SULF2: variants seen among roughly 807,000 people sequenced by gnomAD.
SULF2 encodes extracellular sulfatase Sulf-2.
SULF2 carries 52 observed loss-of-function variants against 107.7 expected under a neutral mutation model. The ratio of observed to expected loss-of-function variants is 0.48; its 90% CI spans 0.39 to 0.61. SULF2 has a LOEUF of 0.61. Among genes scored for constraint, SULF2 ranks in the 20% least tolerant of loss-of-function variants. The probability of loss-of-function intolerance (pLI) is 0.00; values close to 1 mark genes in which losing one functional copy is unlikely to be tolerated. For missense variants in SULF2, 993 were observed against 1,177.3 expected, an observed-to-expected ratio of 0.84 and a Z score of 2.29; for synonymous variants, 460 against 464.3, an observed-to-expected ratio of 0.99 and a Z score of 0.12.
chr20:47,731,196 T>TTTC (rs2089600292), intron 3 of SULF2, among the ~76,000 whole-genome samples: 1 of 103,724 alleles, frequency 9.6e-6, no homozygotes, highest in African/African-American at 3.7e-5. Flanking sequence ...TCTTTTTTTT[T>TTTC]TTTTTTTTTT....
intron 13 of SULF2, 41 bp downstream of exon 13, chr20:47,665,816 G>A (rs759170518): frequency 1.0e-5 from 16 of 1,562,240 alleles, no homozygotes; most frequent in Middle Eastern, 1.7e-4. Flanking sequence ...TGCCAGGCCC[G>A]TGGTGGCCGA....
chr20:47,754,122 C>G (rs930704176), intron 2 of SULF2, among the ~76,000 whole-genome samples: 1 of 152,120 alleles, frequency 6.6e-6, no homozygotes, highest in African/African-American at 2.4e-5. Flanking sequence ...CGTGGTACAG[C>G]CCCGAACCCC....
intron 1 of SULF2, among the ~76,000 whole-genome samples, chr20:47,771,387 A>G (rs1370580636): frequency 2.0e-5 from 3 of 147,720 alleles, no homozygotes; most frequent in African/African-American, 7.3e-5. Context: ...ACATCTGCTC[A>G]GTTCTATGTA....
At chr20:47,757,161 G>A in intron 2 of SULF2, 28 bp downstream of exon 2, 10 of 1,532,570 alleles carry the variant, frequency 6.5e-6, no homozygotes, top group Non-Finnish European at 8.8e-6. Context: ...GAGGGGCCGA[G>A]GTGCCACCCT....
At chr20:47,729,745 T>C (rs903547838) in intron 3 of SULF2, among the ~76,000 whole-genome samples, 1 of 151,992 alleles carries the variant, frequency 6.6e-6, no homozygotes, top group Admixed American at 6.6e-5. Flanking sequence ...TCTGGGGCGA[T>C]GGCCAGGAGG....
intron 1 of SULF2, among the ~76,000 whole-genome samples, chr20:47,762,197 G>A (rs1466948474): frequency 2.6e-5 from 4 of 152,192 alleles, no homozygotes; most frequent in African/African-American, 4.8e-5. Context: ...GAAACACTAC[G>A]GGATGCTTTG....
At chr20:47,745,420 T>A (rs1209658267) in intron 2 of SULF2, among the ~76,000 whole-genome samples, 11 of 4,440 alleles carry the variant, frequency 2.5e-3, no homozygotes, top group African/African-American at 5.8e-3. Context: ...AATATATATA[T>A]ATATATATAT....
At chr20:47,667,759 T>G (rs1265048773) in intron 11 of SULF2, among the ~76,000 whole-genome samples, 1 of 151,966 alleles carries the variant, frequency 6.6e-6, no homozygotes, top group Non-Finnish European at 1.5e-5. Context: ...TGACCCAGGT[T>G]TTGTTGGATC....
rs757680199 is a variant in SULF2 at position 47,678,660 on chromosome 20, C to T, written c.1193+16G>A. The T allele has an allele frequency of 7.4e-6, 12 of 1,613,376 alleles. No homozygotes were observed. The Admixed American group carries it at 1.2e-4, about 16-fold the overall frequency. On this transcript the variant is annotated intron_variant, in intron 8 of 20. Coordinates refer to ENST00000688720, the MANE Select transcript of SULF2 (RefSeq NM_001387048.1). The surrounding 1 kb of genome is among the most constrained non-coding windows in gnomAD (Gnocchi z 4.5). Reference sequence around the variant, plus strand: ...ATGTCCCGGCCCCCTCAACACCTGCCCTGCTCCGTCCTCACCGATTCACCG... The same window carrying T: ...ATGTCCCGGCCCCCTCAACACCTGCTCTGCTCCGTCCTCACCGATTCACCG...
chr20:47,777,351 A>G (rs1262814122), intron 1 of SULF2, among the ~76,000 whole-genome samples: 2 of 152,160 alleles, frequency 1.3e-5, no homozygotes, highest in African/African-American at 4.8e-5. Flanking sequence ...CTCTCTGATT[A>G]AAAGAGAGAC....
chr20:47,782,519 C>G (rs1216157101), intron 1 of SULF2, among the ~76,000 whole-genome samples: 1 of 152,184 alleles, frequency 6.6e-6, no homozygotes, highest in Non-Finnish European at 1.5e-5. Context: ...TCTTCCACAT[C>G]CGCCCAGGCC....
At chr20:47,660,896 A>G (rs1225170401) in intron 18 of SULF2, among the ~76,000 whole-genome samples, 3 of 152,034 alleles carry the variant, frequency 2.0e-5, no homozygotes, top group African/African-American at 4.8e-5. Flanking sequence ...TCCCATCACC[A>G]TGTTGTCTGG....
intron 8 of SULF2, 59 bp from the exon 9 acceptor site, chr20:47,677,193 T>C (rs1261187398): frequency 3.2e-6 from 5 of 1,581,424 alleles, no homozygotes; most frequent in South Asian, 1.1e-5. Flanking sequence ...CGACCCCCCG[T>C]TCCCCCAGGA....
At chr20:47,675,439 AG>A (rs1306672842) in intron 10 of SULF2, among the ~76,000 whole-genome samples, 2 of 152,100 alleles carry the variant, frequency 1.3e-5, no homozygotes, top group Non-Finnish European at 2.9e-5. Context: ...TGTGACTAAG[AG>A]GGGTCTGTGG....
At chr20:47,663,347 CT>C in intron 16 of SULF2, 105 bp downstream of exon 16, 1 of 1,576,054 alleles carries the variant, frequency 6.3e-7, no homozygotes, top group South Asian at 1.1e-5. Context: ...CCGTGGACCC[CT>C]GGTGTTGGGG....
intron 3 of SULF2, among the ~76,000 whole-genome samples, chr20:47,719,555 C>T (rs2089226801): frequency 6.6e-6 from 1 of 152,202 alleles, no homozygotes; most frequent in African/African-American, 2.4e-5. Context: ...CCCAAACTGT[C>T]AAATGGGAGA....
At chr20:47,779,224 C>T (rs954654575) in intron 1 of SULF2, among the ~76,000 whole-genome samples, 8 of 152,200 alleles carry the variant, frequency 5.3e-5, no homozygotes, top group Non-Finnish European at 8.8e-5. Context: ...AGCAGCATCC[C>T]TGGCCTCTAC....
intron 11 of SULF2, among the ~76,000 whole-genome samples, chr20:47,669,309 T>A (rs531149378): frequency 1.7e-4 from 26 of 152,218 alleles, no homozygotes; most frequent in Admixed American, 3.3e-4. Context: ...ACAGCCAGGA[T>A]CCCCGTGGAT....
Position 47,697,434 on chromosome 20 carries a change from T to G in SULF2, c.567+5085A>C, listed in dbSNP as rs371075700. Among the ~76,000 whole-genome samples, 330 of 152,308 alleles carry G rather than the reference T, an allele frequency of 2.2e-3. 4 individuals carry two copies. The highest frequency in any genetic ancestry group is 6.0e-3 in the African/African-American group (251 of 41,566). On this transcript the variant is annotated intron_variant, in intron 4 of 20. Coordinates refer to ENST00000688720, the MANE Select transcript of SULF2 (RefSeq NM_001387048.1). ...GCCCGCCCGAGGCCAGCAGTGACAT[T>G]CTGCCTTGCCAGAGGCATCTTACTG... is the stretch of plus-strand genomic sequence containing the variant.
Sources: gnomAD v4.1 joint callset for allele counts (sites outside exome capture counted in the v4.1 genomes callset) on GRCh38, gnomAD v4.1.1 for gene constraint, Gnocchi (gnomAD v3.1) non-coding constraint, MANE v1.5 for transcripts, NCBI Gene and HGNC (gene_info 2026-07-23, HGNC 2026-07-21) for gene names.